Variants in SYT1 observed in about 807,000 individuals in gnomAD.
The protein encoded by SYT1 is synaptotagmin 1, also known as synaptotagmin-1.
SYT1 carries 8 observed loss-of-function variants against 44.8 expected under a neutral mutation model. The ratio of observed to expected loss-of-function variants is 0.18; its 90% CI spans 0.10 to 0.32. The LOEUF (loss-of-function observed/expected upper bound fraction) is 0.32, where lower values mean the gene tolerates loss of function less well. Among genes scored for constraint, SYT1 ranks in the 10% least tolerant of loss-of-function variants. The pLI, the probability that SYT1 is intolerant of heterozygous loss-of-function variation, is 1.00. For missense variants in SYT1, 286 were observed against 509.3 expected (o/e 0.56, Z 4.22); for synonymous variants, 154 against 188.8 (o/e 0.82, Z 1.51).
At chr12:78,879,630 T>G (rs1167745038) in intron 1 of SYT1, among the ~76,000 whole-genome samples, 1 of 151,798 alleles carries the variant, frequency 6.6e-6, no homozygotes, top group Non-Finnish European at 1.5e-5. Context: ...TCAGAATATA[T>G]GTCTTAATAA....
Position 78,938,514 on chromosome 12 carries a change from T to C in SYT1, c.-216-39285T>C, listed in dbSNP as rs187696410. 7.2e-5 allele frequency among the ~76,000 whole-genome samples: 11 copies of C among 152,270 alleles called. No individual in the cohort carries two copies. In the East Asian group the frequency reaches 1.9e-3, roughly 27 times the overall value. On this transcript the variant is annotated intron_variant, in intron 1 of 10. Transcript: ENST00000261205. ...CTTTGGCTTCTATGGACATATCATC[T>C]GAGATAATGACCCTCCATCTATTTG...
At chr12:78,961,295 G>A (rs1038749672) in intron 1 of SYT1, among the ~76,000 whole-genome samples, 4 of 151,786 alleles carry the variant, frequency 2.6e-5, no homozygotes, top group Non-Finnish European at 4.4e-5. Flanking sequence ...ATTTTGTGGC[G>A]ACATAATCTT....
intron 2 of SYT1, among the ~76,000 whole-genome samples, chr12:78,988,544 A>C (rs1869810835): frequency 6.6e-6 from 1 of 151,912 alleles, no homozygotes; most frequent in African/African-American, 2.4e-5. Context: ...TGAGAAAATG[A>C]CTTTGTGTAA....
intron 3 of SYT1, among the ~76,000 whole-genome samples, chr12:79,120,806 C>A (rs1355167459): frequency 6.6e-6 from 1 of 152,130 alleles, no homozygotes; most frequent in African/African-American, 2.4e-5. Context: ...CCCTGCTTTA[C>A]AGCTGAAAAT....
At chr12:79,263,737 C>T (rs1565881319) in intron 4 of SYT1, among the ~76,000 whole-genome samples, 1 of 152,036 alleles carries the variant, frequency 6.6e-6, no homozygotes, top group Non-Finnish European at 1.5e-5. Context: ...CTTTTAATCC[C>T]CTAAGGAAAT....
At chr12:79,274,847 A>G (rs976709570) in intron 4 of SYT1, among the ~76,000 whole-genome samples, 18 of 152,210 alleles carry the variant, frequency 1.2e-4, no homozygotes, top group African/African-American at 4.3e-4. Context: ...GTAGCTGGCA[A>G]TTGAGAAAGC....
intron 4 of SYT1, among the ~76,000 whole-genome samples, chr12:79,265,095 G>A (rs894268120): frequency 3.9e-5 from 6 of 152,072 alleles, no homozygotes; most frequent in Non-Finnish European, 2.9e-5. Context: ...AAGTTATGAA[G>A]TTTAACAGGA....
At position 79,449,332 on chromosome 12, in the gene SYT1, CTTCTT is replaced by C. The variant is rs1870913221; in HGVS notation, c.*211_*215del. On this transcript the variant is annotated 3_prime_UTR_variant, in exon 11 of 11. Coordinates refer to ENST00000261205, the MANE Select transcript of SYT1 (RefSeq NM_005639.3). The stretch of plus-strand genomic sequence containing the variant: ...CATACCACTGCCCTCCAAATCTACT[CTTCTT>C]TTAAGCAATATGATGTGTAGATAGA... The C allele has an allele frequency of 1.7e-6, 1 of 573,062 alleles. No individual in the cohort carries two copies. The highest frequency in any genetic ancestry group is 3.1e-5 in the Admixed American group (1 of 32,324). 35.5% of individuals were successfully genotyped at this position (573,062 alleles called of 1,614,324 possible).
intron 1 of SYT1, among the ~76,000 whole-genome samples, chr12:78,937,818 C>T (rs78935741): frequency 6.6e-6 from 1 of 152,070 alleles, no homozygotes; most frequent in African/African-American, 2.4e-5. Context: ...ATAAAAATGT[C>T]AGTAAGAAAA....
At chr12:78,961,381 C>T (rs1006353788) in intron 1 of SYT1, among the ~76,000 whole-genome samples, 3 of 152,072 alleles carry the variant, frequency 2.0e-5, no homozygotes, top group Non-Finnish European at 4.4e-5. Flanking sequence ...ACTGCTGGGA[C>T]TACAGGTACC....
chr12:79,431,852 C>A (rs1202667977), intron 9 of SYT1, among the ~76,000 whole-genome samples: 1 of 152,078 alleles, frequency 6.6e-6, no homozygotes, highest in Non-Finnish European at 1.5e-5. Context: ...CCTTGAGCCA[C>A]CATGCCTGGC....
intron 5 of SYT1, among the ~76,000 whole-genome samples, chr12:79,287,866 A>G (rs1879389152): frequency 6.6e-6 from 1 of 152,148 alleles, no homozygotes; most frequent in South Asian, 2.1e-4. Context: ...AGAGAAAATG[A>G]TTCAAACAAA....
chr12:79,316,896 C>A (rs1881114427), intron 8 of SYT1, among the ~76,000 whole-genome samples: 1 of 152,198 alleles, frequency 6.6e-6, no homozygotes, highest in African/African-American at 2.4e-5. Flanking sequence ...TGGCATGGAT[C>A]AAATGAGCAT....
chr12:79,292,210 A>C, intron 6 of SYT1, 80 bp downstream of exon 6: 3 of 1,509,642 alleles, frequency 2.0e-6, no homozygotes, highest in Non-Finnish European at 2.7e-6. Context: ...GATACCTCTT[A>C]AAATATTTTG....
chr12:79,443,465 A>G (rs1593071640), intron 9 of SYT1, among the ~76,000 whole-genome samples: 1 of 152,056 alleles, frequency 6.6e-6, no homozygotes, highest in Admixed American at 6.6e-5. Context: ...AACTTAGTCT[A>G]TTTTCCCCCA....
chr12:79,439,961 C>A (rs1429767922), intron 9 of SYT1, among the ~76,000 whole-genome samples: 1 of 151,870 alleles, frequency 6.6e-6, no homozygotes, highest in Non-Finnish European at 1.5e-5. Flanking sequence ...CACAATGGCT[C>A]ACTTCTGTAA....
Position 79,088,796 on chromosome 12 carries a change from G to C in SYT1, c.-18+41434G>C, listed in dbSNP as rs1240042512. Among the ~76,000 whole-genome samples the C allele has an allele frequency of 3.3e-5, 5 of 151,168 alleles. No homozygotes were observed. In the East Asian group the frequency reaches 9.8e-4, roughly 30 times the overall value. On this transcript the variant is annotated intron_variant, in intron 3 of 10. Coordinates refer to ENST00000261205, the MANE Select transcript of SYT1 (RefSeq NM_005639.3). The stretch of plus-strand genomic sequence containing the variant: ...TGTGTGTGTATGTGTGTGTGTGTGA[G>C]GGGGCAGAGAGAAGTGGTCAAAATC...
chr12:78,936,622 T>C (rs932010349), intron 1 of SYT1, among the ~76,000 whole-genome samples: 24 of 152,284 alleles, frequency 1.6e-4, no homozygotes, highest in African/African-American at 5.5e-4. Context: ...TGCATATTCT[T>C]TATTTCTTAG....
intron 3 of SYT1, among the ~76,000 whole-genome samples, chr12:79,206,374 A>C (rs1874127530): frequency 6.6e-6 from 1 of 152,192 alleles, no homozygotes; most frequent in Non-Finnish European, 1.5e-5. Context: ...TCCCTTCTTT[A>C]AGTCACCTTT....
Sources: allele counts gnomAD v4.1 joint callset (sites outside exome capture counted in the v4.1 genomes callset), GRCh38; gene constraint gnomAD v4.1.1; transcripts MANE v1.5; gene names NCBI Gene and HGNC (gene_info 2026-07-23, HGNC 2026-07-21).